Variants in STAB1 observed in about 807,000 individuals in gnomAD.
STAB1 encodes the protein stabilin-1.
A neutral mutation model predicts 332.4 loss-of-function variants in STAB1; 250 were observed. The observed-to-expected ratio is 0.75, with a 90% CI of 0.68 to 0.84. The LOEUF (loss-of-function observed/expected upper bound fraction) is 0.84. Ranked by LOEUF, STAB1 falls within the 40% of genes least tolerant of loss-of-function variation. The pLI is 0.00. For missense variants in STAB1, 3,249 were observed against 3,489.7 expected (o/e 0.93, Z 1.74); for synonymous variants, 1,475 against 1,390.4 (o/e 1.06, Z -1.35).
intron 56 of STAB1, 34 bp downstream of exon 56, chr3:52,521,544 C>T: frequency 6.2e-7 from 1 of 1,613,800 alleles, no homozygotes; most frequent in Non-Finnish European, 8.5e-7. Context: ...CGGCCCGATT[C>T]CTTTGGCCCT....
Position 52,506,831 on chromosome 3 carries a change from A to T in STAB1, c.1970A>T (p.Glu657Val). The T allele has an allele frequency of 6.2e-7, 1 of 1,613,072 alleles. No individual in the cohort carries two copies. Among genetic ancestry groups the T allele is most frequent in the Non-Finnish European group, 8.5e-7 (1 of 1,179,932 alleles). ...ATCCTGCCCAAGCACTGCAGCGAGG[A>T]GCAGCACAAGATTGTGGCGGTGAGC... Reference protein sequence around the residue: ...LPILPKHCSEEQHKIVAGSCV... With the variant: ...LPILPKHCSEVQHKIVAGSCV... Residue 657 changes from glutamate (E) to valine (V), a missense_variant, in exon 18 of 69, where the codon GAG (glutamate) becomes GTG (valine). By Grantham distance (121) the Glu-to-Val change is moderately radical. Coordinates refer to ENST00000321725, the MANE Select transcript of STAB1 (RefSeq NM_015136.3).
chr3:52,511,132 G>A (rs1709270370), intron 25 of STAB1, among the ~76,000 whole-genome samples: 1 of 152,224 alleles, frequency 6.6e-6, no homozygotes, highest in African/African-American at 2.4e-5. Flanking sequence ...TCAGAACAGA[G>A]GTGTTGAATG....
Position 52,523,121 on chromosome 3 carries a change from C to A in STAB1, c.7007C>A (p.Ser2336Tyr). ...GTGCTGGCTGCCACTGCCAACTTCT[C>A]CACCTTCTATGGGGTGTGTGGGGGC... ...LDVLAATANF[S>Y]TFYGMLLGYA... Residue 2336 changes from serine to tyrosine, a missense_variant, in exon 63 of 69, where the codon TCC becomes TAC. Coordinates refer to ENST00000321725, the MANE Select transcript of STAB1 (RefSeq NM_015136.3). 6.3e-7 allele frequency: 1 copy of A among 1,586,628 alleles called. No homozygotes were observed. Among genetic ancestry groups the A allele is most frequent in the Non-Finnish European group, 8.6e-7 (1 of 1,165,340 alleles).
chr3:52,520,821 C>T lies in STAB1; in HGVS notation c.5724C>T (p.Cys1908=), dbSNP rs1211969255. ...TGGCCCAGGGCAGCCCTGAGGCCTGCTGGCGCTTCTACCCGAAGTTCTGGA... is the reference window on the plus strand; with the variant it reads ...TGGCCCAGGGCAGCCCTGAGGCCTGTTGGCGCTTCTACCCGAAGTTCTGGA... ...GSQEQGSPEA[C]WRFYPKFWTS... Residue 1908 remains cysteine, a synonymous_variant, in exon 55 of 69, where the codon TGC becomes TGT. Transcript: ENST00000321725. 4 of 1,612,828 alleles carry T rather than the reference C, an allele frequency of 2.5e-6. No homozygotes were observed. Among genetic ancestry groups the T allele is most frequent in the Non-Finnish European group, 2.5e-6 (3 of 1,180,018 alleles).
At chr3:52,495,731 CG>C (rs1437872287) in intron 1 of STAB1, among the ~76,000 whole-genome samples, 2 of 152,226 alleles carry the variant, frequency 1.3e-5, no homozygotes, top group Non-Finnish European at 2.9e-5. Context: ...TATGCGGGGC[CG>C]GGGCTCCCCA....
chr3:52,495,446 C>T lies in STAB1; in HGVS notation c.33C>T (p.Cys11=), dbSNP rs749070102. Residue 11 remains cysteine, a synonymous_variant, in exon 1 of 69, where the codon TGC becomes TGT. Coordinates refer to ENST00000321725, the MANE Select transcript of STAB1 (RefSeq NM_015136.3). Reference sequence around the variant, plus strand: ...GGCCCCGGGGCCTCCTCCCACTCTGCCTCCTGGCCTTCTGCCTGGCAGGCT... The same window carrying T: ...GGCCCCGGGGCCTCCTCCCACTCTGTCTCCTGGCCTTCTGCCTGGCAGGCT... MAGPRGLLPL[C]LLAFCLAGFS... is the part of the protein sequence containing the mutation. 5 of 1,343,128 alleles carry T rather than the reference C, an allele frequency of 3.7e-6. No individual in the cohort carries two copies. In the African/African-American group the frequency reaches 6.0e-5, roughly 16 times the overall value. The allele number at this position is 1,343,128 out of a possible 1,614,324, so 83.2% of individuals were successfully genotyped here.
intron 33 of STAB1, 30 bp downstream of exon 33, chr3:52,514,243 G>A (rs1709505541): frequency 6.2e-7 from 1 of 1,611,144 alleles, no homozygotes; most frequent in Non-Finnish European, 8.5e-7. Flanking sequence ...GCAATGGCAG[G>A]GAGGGCAAAG....
At position 52,516,252 on chromosome 3, in the gene STAB1, A is replaced by AGGGGGGG; in HGVS notation, c.4144+18_4144+19insGGGGGGG. 2 of 747,574 alleles carry AGGGGGGG rather than the reference A, an allele frequency of 2.7e-6. No individual in the cohort carries two copies. Among genetic ancestry groups the AGGGGGGG allele is most frequent in the Non-Finnish European group, 2.2e-6 (1 of 452,614 alleles). The allele number at this position is 747,574 out of a possible 1,614,324, so 46.3% of individuals were successfully genotyped here. ...ACTGCACCGGAGGTGAGGACTGGGGAGGGGCGGGGGTGGGCCTCCTGGCAG... is the reference window on the plus strand; with the variant it reads ...ACTGCACCGGAGGTGAGGACTGGGGAGGGGGGGGGGGCGGGGGTGGGCCTCCTGGCAG... On this transcript the variant is annotated intron_variant, in intron 38 of 68. Transcript: ENST00000321725.
Position 52,516,416 on chromosome 3 carries a change from G to A in STAB1, c.4205G>A (p.Cys1402Tyr). 4 of 1,611,942 alleles carry A rather than the reference G, an allele frequency of 2.5e-6. No individual in the cohort carries two copies. Among genetic ancestry groups the A allele is most frequent in the Non-Finnish European group, 3.4e-6 (4 of 1,178,648 alleles). The change falls in exon 39 of 69, where the codon TGT (cysteine) becomes TAT (tyrosine). Residue 1402 changes from cysteine to tyrosine, a missense_variant. By Grantham distance (194) the Cys-to-Tyr change is radical (BLOSUM62 -2). Coordinates refer to ENST00000321725, the MANE Select transcript of STAB1 (RefSeq NM_015136.3). ...CTGCAAGGGGACGGAAGCTGTGTCTGTAACGTGGGCTGGCAGGGCCTCCGC... is the reference window on the plus strand; with the variant it reads ...CTGCAAGGGGACGGAAGCTGTGTCTATAACGTGGGCTGGCAGGGCCTCCGC... Reference protein sequence around the residue: ...EGLQGDGSCVCNVGWQGLRCD... With the variant: ...EGLQGDGSCVYNVGWQGLRCD...
rs775282977 is a variant in STAB1 at position 52,524,490 on chromosome 3, C to T, written c.*134C>T. Reference sequence around the variant, plus strand: ...TGCCCTCAGCGGATGTGGGCCATGTCACCAAGGAAGGGGGTCTTCATGCAG... The same window carrying T: ...TGCCCTCAGCGGATGTGGGCCATGTTACCAAGGAAGGGGGTCTTCATGCAG... On this transcript the variant is annotated 3_prime_UTR_variant, in exon 69 of 69. Transcript: ENST00000321725. 1 of 1,612,866 alleles carries T rather than the reference C, an allele frequency of 6.2e-7. No individual in the cohort carries two copies. The highest frequency in any genetic ancestry group is 8.5e-7 in the Non-Finnish European group (1 of 1,180,012).
intron 50 of STAB1, 89 bp downstream of exon 50, chr3:52,519,653 CACCT>C (rs2079007183): frequency 6.6e-6 from 10 of 1,525,510 alleles, no homozygotes; most frequent in South Asian, 1.1e-5. Context: ...TGTGCATACC[CACCT>C]GTGTGCACAC....
chr3:52,520,165 C>T (rs376269182), intron 51 of STAB1, 39 bp from the exon 52 acceptor site: 4 of 1,613,108 alleles, frequency 2.5e-6, no homozygotes, highest in Non-Finnish European at 3.4e-6. Context: ...TGCAGCTCAG[C>T]CTGCCTTTCC....
At position 52,509,908 on chromosome 3, in the gene STAB1, G is replaced by C; in HGVS notation, c.2386G>C (p.Gly796Arg). Residue 796 changes from glycine (G) to arginine (R), a missense_variant, in exon 23 of 69, where the codon GGC (glycine) becomes CGC (arginine). Transcript: ENST00000321725. The part of the protein sequence containing the change: ...CVHGLCDNRP[G>R]SGGVCQQGTC... ...CCATGGTCTCTGCGACAACCGCCCA[G>C]GCAGTGGGGGGGTGTGCCAGCAGGG... 6.2e-7 allele frequency: 1 copy of C among 1,613,082 alleles called. No individual in the cohort carries two copies. The highest frequency in any genetic ancestry group is 1.1e-5 in the South Asian group (1 of 91,078).
chr3:52,520,836 G>T lies in STAB1; in HGVS notation c.5739G>T (p.Pro1913=), dbSNP rs542843097. ...GSPEACWRFY[P]KFWTSPPLHS... ...CTGAGGCCTGCTGGCGCTTCTACCC[G>T]AAGTTCTGGACGTCCCCTCCGCTGC... The change falls in exon 55 of 69, where the codon CCG becomes CCT. Residue 1913 remains proline, a synonymous_variant. Transcript: ENST00000321725. The T allele has an allele frequency of 6.8e-6, 11 of 1,612,802 alleles. No homozygotes were observed. In the South Asian group the frequency reaches 1.2e-4, roughly 18 times the overall value.
chr3:52,507,489 G>T, intron 18 of STAB1, 124 bp from the exon 19 acceptor site: 1 of 1,032,330 alleles, frequency 9.7e-7, no homozygotes, highest in African/African-American at 1.6e-5. Context: ...GAATGCCAGT[G>T]CTGGGCTTCC....
chr3:52,508,760 T>C (rs1331949298), intron 21 of STAB1, among the ~76,000 whole-genome samples: 1 of 152,086 alleles, frequency 6.6e-6, no homozygotes, highest in African/African-American at 2.4e-5. Context: ...AGGCGGAGGT[T>C]GCAGTGAGCC....
chr3:52,515,148 GCAT>G, intron 36 of STAB1, 103 bp downstream of exon 36: 1 of 1,432,410 alleles, frequency 7.0e-7, no homozygotes, highest in Non-Finnish European at 9.5e-7. Flanking sequence ...CTTGGCCCAG[GCAT>G]CCAGGCTCAG....
At position 52,516,426 on chromosome 3, in the gene STAB1, C is replaced by T; in HGVS notation, c.4215C>T (p.Gly1405=). The T allele has an allele frequency of 6.2e-7, 1 of 1,612,026 alleles. No homozygotes were observed. The highest frequency in any genetic ancestry group is 8.5e-7 in the Non-Finnish European group (1 of 1,178,760). Residue 1405 remains glycine (G), a synonymous_variant, in exon 39 of 69, where the codon GGC becomes GGT. Coordinates refer to ENST00000321725, the MANE Select transcript of STAB1 (RefSeq NM_015136.3). ...ACGGAAGCTGTGTCTGTAACGTGGG[C>T]TGGCAGGGCCTCCGCTGTGACCAGA... The part of the protein sequence containing the change: ...QGDGSCVCNV[G]WQGLRCDQKI...
In STAB1 at chr3:52,520,872, A is replaced by G. The variant is rs763977663; in HGVS notation, c.5775A>G (p.Gly1925=). The G allele has an allele frequency of 6.2e-7, 1 of 1,612,580 alleles. No homozygotes were observed. The highest frequency in any genetic ancestry group is 8.5e-7 in the Non-Finnish European group (1 of 1,179,914). The part of the protein sequence containing the change: ...FWTSPPLHSL[G]LRSVWVHPSL... Reference sequence around the variant, plus strand: ...CGTCCCCTCCGCTGCACTCTTTGGGATTACGCAGCGTCTGGGTCCACCCCA... The same window carrying G: ...CGTCCCCTCCGCTGCACTCTTTGGGGTTACGCAGCGTCTGGGTCCACCCCA... Residue 1925 remains glycine, a synonymous_variant, in exon 55 of 69, where the codon GGA becomes GGG. Transcript: ENST00000321725.
Sources: allele counts gnomAD v4.1 joint callset (sites outside exome capture counted in the v4.1 genomes callset), GRCh38; gene constraint gnomAD v4.1.1; transcripts MANE v1.5; gene names NCBI Gene and HGNC (gene_info 2026-07-23, HGNC 2026-07-21).